The following PPP1R42 variants were observed in gnomAD, a reference collection of about 807,000 sequenced individuals.
PPP1R42 encodes the protein leucine rich repeat containing 67.
PPP1R42 carries 34 observed loss-of-function variants against 31.0 expected under a neutral mutation model. The observed-to-expected ratio is 1.10, with a 90% CI of 0.83 to 1.46. The LOEUF (loss-of-function observed/expected upper bound fraction) is 1.46, where lower values mean the gene tolerates loss of function less well. PPP1R42 is among the 40% of genes most tolerant of loss of function. The pLI is 0.00. For missense variants in PPP1R42, 268 were observed against 303.0 expected (o/e 0.88, Z 0.86); for synonymous variants, 103 against 109.8 (o/e 0.94, Z 0.39).
At position 66,982,143 on chromosome 8, in the gene PPP1R42, T is replaced by A. The variant is rs1354832029; in HGVS notation, c.708A>T (p.Arg236Ser). 1 of 1,464,664 alleles carries A rather than the reference T, an allele frequency of 6.8e-7. No individual in the cohort carries two copies. Among genetic ancestry groups the A allele is most frequent in the South Asian group, 1.4e-5 (1 of 71,562 alleles). The allele number at this position is 1,464,664 out of a possible 1,614,324, so 90.7% of individuals were successfully genotyped here. A position where few individuals can be genotyped will look rare whatever the true frequency, so the allele number is the denominator to read the frequency against. The stretch of plus-strand genomic sequence containing the variant: ...ATGCTTTCCAATTCATTAGGAATTG[T>A]CTTTCTATATTTTTAATTTCTTTTC... ...LDGKEIKNIERQFLMNWKASK... is the reference protein window; with the variant it reads ...LDGKEIKNIESQFLMNWKASK... The change falls in exon 7 of 8, where the codon AGA (arginine) becomes AGT (serine). Residue 236 changes from arginine (R) to serine (S), a missense_variant. Arg to Ser is a moderately radical substitution (Grantham distance 110). Coordinates refer to ENST00000685739, the MANE Select transcript of PPP1R42 (RefSeq NM_001364910.1).
In PPP1R42 at chr8:66,984,777, T is replaced by G. The variant is rs994560204; in HGVS notation, c.671-2597A>C. On this transcript the variant is annotated intron_variant, in intron 6 of 7. Coordinates refer to ENST00000685739, the MANE Select transcript of PPP1R42 (RefSeq NM_001364910.1). ...CTTGAACAGCTTCTGTTCCTAATAC[T>G]CGCATCAAATTAGAAATTCTCACTT... 2.5e-6 allele frequency: 4 copies of G among 1,608,606 alleles called. No individual in the cohort carries two copies. The African/African-American group carries it at 5.3e-5, about 21-fold the overall frequency.
chr8:67,010,689 TA>T lies in PPP1R42; in HGVS notation c.552+25del, dbSNP rs749141851. ...CAATCATAATTTCATGTAAATATCT[TA>T]AAAATTAATTTCTCTTTACACTACC... On this transcript the variant is annotated intron_variant, in intron 5 of 7. Coordinates refer to ENST00000685739, the MANE Select transcript of PPP1R42 (RefSeq NM_001364910.1). 3 of 1,446,478 alleles carry T rather than the reference TA, an allele frequency of 2.1e-6. No individual in the cohort carries two copies. In the East Asian group the frequency reaches 6.8e-5, roughly 33 times the overall value. The allele number at this position is 1,446,478 out of a possible 1,614,324, so 89.6% of individuals were successfully genotyped here.
chr8:67,012,246 T>C (rs1180749263), intron 4 of PPP1R42, among the ~76,000 whole-genome samples: 1 of 152,018 alleles, frequency 6.6e-6, no homozygotes, highest in East Asian at 1.9e-4. Context: ...AAAATAAAAA[T>C]AAAATAAAAT....
chr8:67,013,090 C>G lies in PPP1R42; in HGVS notation c.303G>C (p.Leu101=), dbSNP rs1192231324. 1 of 1,592,118 alleles carries G rather than the reference C, an allele frequency of 6.3e-7. No individual in the cohort carries two copies. The highest frequency in any genetic ancestry group is 2.3e-5 in the East Asian group (1 of 44,128). The part of the protein sequence containing the change: ...RSLKKLEKLY[L]GGNYIAVIEG... ...CTATGACAGCAATGTAATTGCCTCCCAGATACCTGCAAAACATAGACATAA... is the reference window on the plus strand; with the variant it reads ...CTATGACAGCAATGTAATTGCCTCCGAGATACCTGCAAAACATAGACATAA... Residue 101 remains leucine, a synonymous_variant, in exon 4 of 8, where the codon CTG becomes CTC. Transcript: ENST00000685739.
chr8:66,966,340 A>G (rs1814378974), intron 7 of PPP1R42, among the ~76,000 whole-genome samples: 1 of 152,102 alleles, frequency 6.6e-6, no homozygotes, highest in South Asian at 2.1e-4. Context: ...GAGGTTGGCT[A>G]TTGGAGTCAG....
chr8:67,001,758 C>A (rs565021286), intron 5 of PPP1R42, among the ~76,000 whole-genome samples: 1 of 152,198 alleles, frequency 6.6e-6, no homozygotes, highest in African/African-American at 2.4e-5. Flanking sequence ...GTTTATTTTA[C>A]TTTTACATGT....
At chr8:66,965,814 T>C (rs1814367832) in intron 7 of PPP1R42, among the ~76,000 whole-genome samples, 1 of 152,092 alleles carries the variant, frequency 6.6e-6, no homozygotes, top group South Asian at 2.1e-4. Context: ...TCTCAGCTAC[T>C]CAGAAAGCTG....
chr8:67,005,167 G>A (rs1815636357), intron 5 of PPP1R42, among the ~76,000 whole-genome samples: 1 of 146,764 alleles, frequency 6.8e-6, no homozygotes, highest in Admixed American at 6.9e-5. Flanking sequence ...CAGACTCTGT[G>A]GTTCAACTTC....
chr8:67,010,916 T>A, intron 4 of PPP1R42, 85 bp from the exon 5 acceptor site: 2 of 1,307,662 alleles, frequency 1.5e-6, no homozygotes, highest in Non-Finnish European at 2.1e-6. Context: ...TTGAAAAGTT[T>A]AAGCTTGATC....
chr8:67,016,571 T>G (rs1816023009), intron 2 of PPP1R42, among the ~76,000 whole-genome samples: 1 of 152,264 alleles, frequency 6.6e-6, no homozygotes, highest in Non-Finnish European at 1.5e-5. Context: ...ACATAACCAG[T>G]TAAATTCTGT....
At chr8:67,001,148 TA>T (rs1258262559) in intron 5 of PPP1R42, among the ~76,000 whole-genome samples, 5 of 151,706 alleles carry the variant, frequency 3.3e-5, no homozygotes, top group African/African-American at 7.2e-5. Context: ...GTTTGCAGTA[TA>T]TTTTTTTCAT....
intron 6 of PPP1R42, among the ~76,000 whole-genome samples, chr8:66,987,423 C>G (rs1046415452): frequency 1.3e-5 from 2 of 151,398 alleles, no homozygotes; most frequent in Non-Finnish European, 2.9e-5. Context: ...TCCCGAGTAG[C>G]TGAGATTACA....
intron 5 of PPP1R42, among the ~76,000 whole-genome samples, chr8:66,992,113 G>A (rs1815206086): frequency 6.6e-6 from 1 of 152,058 alleles, no homozygotes; most frequent in South Asian, 2.1e-4. Context: ...CAATTCTTTG[G>A]AATATCGTAC....
At chr8:66,968,784 C>T (rs376211728) in intron 7 of PPP1R42, among the ~76,000 whole-genome samples, 305 of 152,206 alleles carry the variant, frequency 2.0e-3, no homozygotes, top group African/African-American at 7.0e-3. Flanking sequence ...TCATTTAATA[C>T]GTATTAAATC....
At chr8:66,985,553 T>G in intron 6 of PPP1R42, 6 of 1,324,230 alleles carry the variant, frequency 4.5e-6, no homozygotes, top group Non-Finnish European at 6.5e-6. Flanking sequence ...ATGTTGGCAT[T>G]GCTGATGAGT....
chr8:66,985,527 A>G, intron 6 of PPP1R42: 1 of 1,256,748 alleles, frequency 8.0e-7, no homozygotes, highest in Non-Finnish European at 1.2e-6. Context: ...TGTCATGGAG[A>G]TTAGACGGGC....
intron 6 of PPP1R42, chr8:66,985,835 G>T: frequency 1.6e-6 from 2 of 1,221,338 alleles, no homozygotes; most frequent in South Asian, 1.3e-5. Context: ...CCAGGACTCT[G>T]ATGGAGGCCC....
Position 66,972,483 on chromosome 8 carries a change from G to A in PPP1R42, c.803-8149C>T, listed in dbSNP as rs557044956. 5.3e-5 allele frequency among the ~76,000 whole-genome samples: 8 copies of A among 151,530 alleles called. No individual in the cohort carries two copies. In the East Asian group the frequency reaches 5.8e-4, roughly 11 times the overall value. On this transcript the variant is annotated intron_variant, in intron 7 of 7. Coordinates refer to ENST00000685739, the MANE Select transcript of PPP1R42 (RefSeq NM_001364910.1). ...CGGCTCACTACAACCTTTGCCTCCC[G>A]GGTTCAAGTGATTCTCCTGCCTCAG...
intron 7 of PPP1R42, among the ~76,000 whole-genome samples, chr8:66,968,186 C>T (rs1294150905): frequency 6.6e-6 from 1 of 152,122 alleles, no homozygotes; most frequent in Admixed American, 6.5e-5. Flanking sequence ...GTATCAAGTT[C>T]AGTTTGAGGG....
Sources: gnomAD v4.1 joint callset for allele counts (sites outside exome capture counted in the v4.1 genomes callset) on GRCh38, gnomAD v4.1.1 for gene constraint, MANE v1.5 for transcripts, NCBI Gene and HGNC (gene_info 2026-07-23, HGNC 2026-07-21) for gene names.